OS9: variants seen among roughly 807,000 people sequenced by gnomAD.
OS9 encodes OS9 endoplasmic reticulum lectin.
A neutral mutation model predicts 84.7 loss-of-function variants in OS9; 58 were observed. The observed-to-expected ratio is 0.68, with a 90% CI of 0.55 to 0.85. The LOEUF (loss-of-function observed/expected upper bound fraction) is 0.85. Among genes scored for constraint, OS9 ranks in the 40% least tolerant of loss-of-function variants. The pLI is 0.00. For missense variants in OS9, 760 were observed against 850.9 expected, an observed-to-expected ratio of 0.89 and a Z score of 1.33; for synonymous variants, 278 against 320.8, an observed-to-expected ratio of 0.87 and a Z score of 1.43.
chr12:57,697,530 A>C (rs1352063758), intron 5 of OS9, among the ~76,000 whole-genome samples: 1 of 152,190 alleles, frequency 6.6e-6, no homozygotes, highest in Non-Finnish European at 1.5e-5. Flanking sequence ...GAATGATGGA[A>C]TTGTAATTTA....
Position 57,721,209 on chromosome 12 carries a change from C to A in OS9, c.*300C>A, listed in dbSNP as rs886870498. ...TCCCCTAATGATAGGATATTCCCTG[C>A]TGCCTACCTGGAGATTCAGTAGGAT... is the stretch of plus-strand genomic sequence containing the variant. On this transcript the variant is annotated 3_prime_UTR_variant, in exon 15 of 15. Transcript: ENST00000315970. 12 of 318,560 alleles carry A rather than the reference C, an allele frequency of 3.8e-5. No individual in the cohort carries two copies. The Admixed American group carries it at 5.1e-4, about 14-fold the overall frequency. The allele number at this position is 318,560 out of a possible 1,614,324, so 19.7% of individuals were successfully genotyped here.
chr12:57,695,067 C>G, intron 2 of OS9, 141 bp downstream of exon 2: 1 of 689,416 alleles, frequency 1.5e-6, no homozygotes, highest in Non-Finnish European at 2.5e-6. Context: ...ATTACACGGA[C>G]AGGAAAGAAG....
intron 2 of OS9, 153 bp from the exon 3 acceptor site, chr12:57,695,627 C>T (rs1467016088): frequency 5.5e-6 from 4 of 721,878 alleles, no homozygotes; most frequent in Non-Finnish European, 1.0e-5. Context: ...TCCCTCCTTA[C>T]TGAAAGTCTG....
At chr12:57,696,217 A>G (rs974541146) in intron 4 of OS9, 58 bp from the exon 5 acceptor site, 25 of 1,424,344 alleles carry the variant, frequency 1.8e-5, no homozygotes, top group Non-Finnish European at 1.9e-5. Flanking sequence ...ACGCAGTGCC[A>G]TCCTTCCTCT....
chr12:57,698,843 G>C (rs752998874), intron 5 of OS9, among the ~76,000 whole-genome samples: 14 of 152,202 alleles, frequency 9.2e-5, no homozygotes, highest in African/African-American at 1.7e-4. Context: ...CTGTAGCTAT[G>C]ATGAGGAATT....
intron 5 of OS9, among the ~76,000 whole-genome samples, chr12:57,712,542 CTT>C (rs552635439): frequency 1.2e-4 from 18 of 152,128 alleles, no homozygotes; most frequent in African/African-American, 4.3e-4. Context: ...ACTTTTAACT[CTT>C]TGTGAGATCC....
rs1555192314 is a variant in OS9 at position 57,696,452 on chromosome 12, CG to C, written c.579+83del. The C allele has an allele frequency of 1.3e-3, 16 of 12,582 alleles. 2 individuals carry two copies. The highest frequency in any genetic ancestry group is 3.3e-3 in the Non-Finnish European group (11 of 3,372). 0.8% of individuals were successfully genotyped at this position (12,582 alleles called of 1,614,324 possible). A position where few individuals can be genotyped will look rare whatever the true frequency, so the allele number is the denominator to read the frequency against. ...AGGGAAGAGGGTTGCATCTTATAGT[CG>C]GGGCGGGGGCGGGGGGGGTCCCCTC... On this transcript the variant is annotated intron_variant, in intron 5 of 14. Coordinates refer to ENST00000315970, the MANE Select transcript of OS9 (RefSeq NM_006812.4).
intron 7 of OS9, 91 bp downstream of exon 7, chr12:57,716,284 G>GT (rs903319957): frequency 2.6e-5 from 20 of 763,138 alleles, no homozygotes; most frequent in South Asian, 2.1e-4. Flanking sequence ...TGGGGTGGGG[G>GT]GGGGTGGAAA....
intron 5 of OS9, among the ~76,000 whole-genome samples, chr12:57,697,908 A>AACACAC (rs1265642283): frequency 2.4e-4 from 18 of 75,214 alleles, no homozygotes; most frequent in South Asian, 5.2e-4. Context: ...AACATAAGCA[A>AACACAC]ACACACACAC....
At chr12:57,698,410 T>C (rs1953928623) in intron 5 of OS9, among the ~76,000 whole-genome samples, 1 of 152,228 alleles carries the variant, frequency 6.6e-6, no homozygotes, top group African/African-American at 2.4e-5. Context: ...ACATATGCCC[T>C]GTGCCAAGCA....
At chr12:57,711,474 G>A (rs1298246287) in intron 5 of OS9, among the ~76,000 whole-genome samples, 1 of 150,424 alleles carries the variant, frequency 6.6e-6, no homozygotes, top group Non-Finnish European at 1.5e-5. Context: ...AGCCTCCCGA[G>A]TAGCTGGGAC....
intron 2 of OS9, chr12:57,695,130 G>A: frequency 1.7e-6 from 1 of 585,592 alleles, no homozygotes; most frequent in Non-Finnish European, 3.0e-6. Context: ...GAGCAGGTTA[G>A]GATAGAAGAT....
At chr12:57,695,019 C>G in intron 2 of OS9, 93 bp downstream of exon 2, 1 of 1,155,126 alleles carries the variant, frequency 8.7e-7, no homozygotes, top group Admixed American at 1.9e-5. Context: ...ATCTAGGGGA[C>G]CTGTAGTGGT....
rs771153251 is a variant in OS9, at chr12:57,694,187, G to A, written c.26G>A (p.Ser9Asn). The A allele has an allele frequency of 1.2e-6, 2 of 1,614,206 alleles. No homozygotes were observed. Among genetic ancestry groups the A allele is most frequent in the Admixed American group, 1.7e-5 (1 of 60,028 alleles). ...ATGGCGGCGGAAACGCTGCTGTCCA[G>A]TTTGTTAGGACTGCTGCTTCTGGGA... MAAETLLS[S>N]LLGLLLLGLL... Residue 9 changes from serine to asparagine, a missense_variant, in exon 1 of 15, where the codon AGT (serine) becomes AAT (asparagine). By Grantham distance (46) the Ser-to-Asn change is conservative. Transcript: ENST00000315970.
intron 2 of OS9, chr12:57,695,201 A>G: frequency 2.1e-6 from 1 of 483,576 alleles, no homozygotes. Flanking sequence ...TACTTCCTTA[A>G]GCCTACTTGC....
In OS9 at chr12:57,721,139, C is replaced by T; in HGVS notation, c.*230C>T. 2.0e-6 allele frequency: 1 copy of T among 501,812 alleles called. No homozygotes were observed. Among genetic ancestry groups the T allele is most frequent in the South Asian group, 2.1e-5 (1 of 47,778 alleles). 31.1% of individuals were successfully genotyped at this position (501,812 alleles called of 1,614,324 possible). On this transcript the variant is annotated 3_prime_UTR_variant, in exon 15 of 15. Transcript: ENST00000315970. ...CCTGTGATATTTGCTCTCCTGAACTCTCACTCAATCCTCTTCCTCTCCTCT... is the reference window on the plus strand; with the variant it reads ...CCTGTGATATTTGCTCTCCTGAACTTTCACTCAATCCTCTTCCTCTCCTCT...
intron 8 of OS9, 52 bp downstream of exon 8, chr12:57,716,564 A>C (rs1460324993): frequency 6.6e-7 from 1 of 1,523,410 alleles, no homozygotes; most frequent in South Asian, 1.1e-5. Flanking sequence ...GGGTCACTGC[A>C]GCTGGGGCCA....
chr12:57,721,147 A>C lies in OS9; in HGVS notation c.*238A>C. 1 of 473,842 alleles carries C rather than the reference A, an allele frequency of 2.1e-6. No individual in the cohort carries two copies. The highest frequency in any genetic ancestry group is 3.9e-6 in the Non-Finnish European group (1 of 259,040). 29.4% of individuals were successfully genotyped at this position (473,842 alleles called of 1,614,324 possible). ...ATTTGCTCTCCTGAACTCTCACTCAATCCTCTTCCTCTCCTCTGTGGCTTT... is the reference window on the plus strand; with the variant it reads ...ATTTGCTCTCCTGAACTCTCACTCACTCCTCTTCCTCTCCTCTGTGGCTTT... On this transcript the variant is annotated 3_prime_UTR_variant, in exon 15 of 15. Coordinates refer to ENST00000315970, the MANE Select transcript of OS9 (RefSeq NM_006812.4).
chr12:57,706,847 A>G (rs1245913954), intron 5 of OS9, among the ~76,000 whole-genome samples: 2 of 20,510 alleles, frequency 9.8e-5, no homozygotes, highest in Admixed American at 7.7e-4. Flanking sequence ...TGACTCTCTG[A>G]AAAAAAAAAA....
Sources: allele counts gnomAD v4.1 joint callset (sites outside exome capture counted in the v4.1 genomes callset), GRCh38; gene constraint gnomAD v4.1.1; transcripts MANE v1.5; gene names NCBI Gene and HGNC (gene_info 2026-07-23, HGNC 2026-07-21).